The following UNC5C variants were observed in gnomAD, a reference collection of about 807,000 sequenced individuals.
UNC5C encodes the protein netrin receptor UNC5C.
Under a neutral mutation model 99.8 loss-of-function variants are expected in UNC5C, and 47 were observed. That is an observed-to-expected ratio of 0.47 (90% CI 0.37 to 0.60). The LOEUF is 0.60. Ranked by LOEUF, UNC5C falls within the 20% of genes least tolerant of loss-of-function variation. UNC5C has a pLI of 0.00. For missense variants in UNC5C, 1,062 were observed against 1,165.9 expected (o/e 0.91, Z 1.30); for synonymous variants, 487 against 452.2 (o/e 1.08, Z -0.98).
chr4:95,497,750 A>G (rs1210640553), intron 1 of UNC5C, among the ~76,000 whole-genome samples: 1 of 152,064 alleles, frequency 6.6e-6, no homozygotes, highest in Non-Finnish European at 1.5e-5. Context: ...TAATGGTATT[A>G]GAGAAAGTTA....
chr4:95,237,078 A>G (rs990688700), intron 7 of UNC5C, among the ~76,000 whole-genome samples: 1 of 152,178 alleles, frequency 6.6e-6, no homozygotes, highest in Non-Finnish European at 1.5e-5. Flanking sequence ...ATAATACCTA[A>G]TACAATTTAA....
At chr4:95,542,228 T>C (rs1261236026) in intron 1 of UNC5C, among the ~76,000 whole-genome samples, 3 of 152,134 alleles carry the variant, frequency 2.0e-5, no homozygotes, top group African/African-American at 2.4e-5. Context: ...CATATCTATA[T>C]AATGAAGTTT....
At chr4:95,277,408 G>A (rs1021093534) in intron 4 of UNC5C, among the ~76,000 whole-genome samples, 2 of 152,174 alleles carry the variant, frequency 1.3e-5, no homozygotes, top group Non-Finnish European at 2.9e-5. Context: ...GTCAATTAGG[G>A]CAATAGTGTC....
chr4:95,334,125 A>G (rs528401117), intron 2 of UNC5C, among the ~76,000 whole-genome samples: 7 of 152,146 alleles, frequency 4.6e-5, no homozygotes, highest in Admixed American at 2.0e-4. Context: ...GTTATAAAGA[A>G]TATGTCCTAC....
At chr4:95,272,375 T>G (rs1740693601) in intron 4 of UNC5C, among the ~76,000 whole-genome samples, 1 of 152,222 alleles carries the variant, frequency 6.6e-6, no homozygotes, top group African/African-American at 2.4e-5. Context: ...AAGCCACAGA[T>G]GTATAATAAG....
chr4:95,422,175 C>G (rs1285657277), intron 1 of UNC5C, among the ~76,000 whole-genome samples: 1 of 152,174 alleles, frequency 6.6e-6, no homozygotes, highest in African/African-American at 2.4e-5. Flanking sequence ...GGTAGGCACA[C>G]ATGAAATATT....
chr4:95,202,679 C>T (rs1044938635), intron 12 of UNC5C, 52 bp downstream of exon 12: 2 of 1,568,192 alleles, frequency 1.3e-6, no homozygotes, highest in African/African-American at 2.7e-5. Context: ...CCGTGCAAAA[C>T]CTTGGCTTCC....
chr4:95,243,838 C>T (rs1739409048), intron 6 of UNC5C, among the ~76,000 whole-genome samples: 1 of 152,178 alleles, frequency 6.6e-6, no homozygotes, highest in African/African-American at 2.4e-5. Context: ...AACACTGACA[C>T]ACACACACAC....
At chr4:95,205,499 C>T (rs1404894830) in intron 11 of UNC5C, among the ~76,000 whole-genome samples, 4 of 152,048 alleles carry the variant, frequency 2.6e-5, no homozygotes, top group Non-Finnish European at 5.9e-5. Flanking sequence ...TACTCTGGTA[C>T]TCGTCTACAT....
At chr4:95,271,847 G>C (rs556901436) in intron 4 of UNC5C, among the ~76,000 whole-genome samples, 7 of 152,228 alleles carry the variant, frequency 4.6e-5, no homozygotes, top group Middle Eastern at 3.4e-3. Flanking sequence ...CTGCGCCCTC[G>C]TTCCCTCTTT....
chr4:95,429,298 C>A (rs200422618), intron 1 of UNC5C, among the ~76,000 whole-genome samples: 1,563 of 119,386 alleles, frequency 0.013, 17 homozygotes, highest in African/African-American at 0.046. Context: ...AAAAAAAAAA[C>A]AAACAAAAAA....
chr4:95,293,416 C>T (rs1036790932), intron 3 of UNC5C, among the ~76,000 whole-genome samples: 1 of 147,876 alleles, frequency 6.8e-6, no homozygotes, highest in African/African-American at 2.5e-5. Context: ...GATCCTCCTG[C>T]CTCAGCCTTC....
At chr4:95,483,004 TATAATAATA>T (rs71970821) in intron 1 of UNC5C, among the ~76,000 whole-genome samples, 23,707 of 103,254 alleles carry the variant, frequency 0.23, 2,721 homozygotes, top group African/African-American at 0.34. Context: ...AAACTTAAAG[TATAATAATA>T]ATAATAATAA....
intron 1 of UNC5C, among the ~76,000 whole-genome samples, chr4:95,467,005 C>G (rs1231220610): frequency 6.6e-6 from 1 of 152,004 alleles, no homozygotes; most frequent in Admixed American, 6.6e-5. Flanking sequence ...TCCATGGAAG[C>G]CAGCTGTCAT....
chr4:95,535,413 TCATTGTATAG>T (rs1722748937), intron 1 of UNC5C, among the ~76,000 whole-genome samples: 1 of 152,156 alleles, frequency 6.6e-6, no homozygotes, highest in Non-Finnish European at 1.5e-5. Flanking sequence ...AAGTGAAAAA[TCATTGTATAG>T]CATAGACTTA....
intron 1 of UNC5C, among the ~76,000 whole-genome samples, chr4:95,540,456 G>T (rs115968604): frequency 3.3e-5 from 5 of 152,100 alleles, no homozygotes; most frequent in African/African-American, 9.7e-5. Flanking sequence ...GAGGCAGGGC[G>T]GGGAATGTCT....
intron 1 of UNC5C, among the ~76,000 whole-genome samples, chr4:95,460,994 C>T (rs1169918354): frequency 6.6e-6 from 1 of 152,154 alleles, no homozygotes; most frequent in Non-Finnish European, 1.5e-5. Flanking sequence ...TATGTAGGCA[C>T]AATGGATGGT....
At chr4:95,227,776 G>T (rs1560742384) in intron 7 of UNC5C, among the ~76,000 whole-genome samples, 1 of 152,156 alleles carries the variant, frequency 6.6e-6, no homozygotes, top group Non-Finnish European at 1.5e-5. Context: ...TAAAATTTGG[G>T]TCAATAAAAC....
At chr4:95,281,433 A>G (rs909935115) in intron 3 of UNC5C, among the ~76,000 whole-genome samples, 2 of 152,194 alleles carry the variant, frequency 1.3e-5, no homozygotes, top group Non-Finnish European at 2.9e-5. Context: ...GAGCAAGATC[A>G]GAGAACAAGG....
Sources: allele counts gnomAD v4.1 joint callset (sites outside exome capture counted in the v4.1 genomes callset), GRCh38; gene constraint gnomAD v4.1.1; transcripts MANE v1.5; gene names NCBI Gene and HGNC (gene_info 2026-07-23, HGNC 2026-07-21).